SSH2: variants seen among roughly 807,000 people sequenced by gnomAD.
SSH2 encodes protein phosphatase Slingshot homolog 2.
A neutral mutation model predicts 135.2 loss-of-function variants in SSH2; 37 were observed. The observed-to-expected ratio is 0.27, with a 90% confidence interval of 0.21 to 0.36. The LOEUF (loss-of-function observed/expected upper bound fraction) is 0.36. Ranked by LOEUF, SSH2 falls within the 10% of genes least tolerant of loss-of-function variation. The pLI is 1.00. For missense variants in SSH2, 1,408 were observed against 1,765.3 expected (o/e 0.80, Z 3.63); for synonymous variants, 628 against 646.2 (o/e 0.97, Z 0.43).
chr17:29,854,596 G>T (rs2065628526), intron 1 of SSH2, among the ~76,000 whole-genome samples: 2 of 151,706 alleles, frequency 1.3e-5, no homozygotes, highest in South Asian at 4.1e-4. Context: ...GTTTTCAAGA[G>T]TGTAAAATCT....
chr17:29,761,559 G>C, intron 3 of SSH2: 1 of 435,470 alleles, frequency 2.3e-6, no homozygotes, highest in Non-Finnish European at 3.1e-6. Context: ...GGATCCCGCA[G>C]CGCGCGTCAC....
chr17:29,857,647 GTAATT>G (rs768557110), intron 1 of SSH2, among the ~76,000 whole-genome samples: 5 of 152,022 alleles, frequency 3.3e-5, no homozygotes, highest in Non-Finnish European at 7.4e-5. Context: ...CCACACCCAG[GTAATT>G]TTTAAAATTT....
intron 3 of SSH2, among the ~76,000 whole-genome samples, chr17:29,757,912 T>TA (rs759570997): frequency 8.7e-4 from 130 of 149,938 alleles, no homozygotes; most frequent in Non-Finnish European, 1.4e-3. Flanking sequence ...CCAGGTGTGG[T>TA]GGCATGTGCC....
At chr17:29,786,294 A>G (rs1268192016) in intron 3 of SSH2, among the ~76,000 whole-genome samples, 3 of 152,182 alleles carry the variant, frequency 2.0e-5, no homozygotes, top group Non-Finnish European at 4.4e-5. Context: ...CAGCCTGCAT[A>G]CTGAGGTGGA....
intron 1 of SSH2, among the ~76,000 whole-genome samples, chr17:29,852,723 T>C (rs939673353): frequency 1.3e-5 from 2 of 151,622 alleles, no homozygotes; most frequent in Non-Finnish European, 2.9e-5. Context: ...GCTAATTTTT[T>C]GTATTTTTAG....
chr17:29,715,814 C>G (rs937798802), intron 3 of SSH2, among the ~76,000 whole-genome samples: 1 of 152,154 alleles, frequency 6.6e-6, no homozygotes, highest in African/African-American at 2.4e-5. Flanking sequence ...ACAGCACATT[C>G]ACGGTCTCAG....
At chr17:29,674,778 T>C (rs1393574001) in intron 8 of SSH2, among the ~76,000 whole-genome samples, 1 of 152,238 alleles carries the variant, frequency 6.6e-6, no homozygotes, top group East Asian at 1.9e-4. Context: ...GCTGATGAGC[T>C]TAAAAAAAAA....
chr17:29,768,776 C>T (rs1035113785), intron 3 of SSH2, among the ~76,000 whole-genome samples: 2 of 151,900 alleles, frequency 1.3e-5, no homozygotes, highest in Non-Finnish European at 2.9e-5. Context: ...CATCAGTGTC[C>T]TAGAATGTAG....
intron 3 of SSH2, among the ~76,000 whole-genome samples, chr17:29,727,993 C>T (rs2040056821): frequency 1.3e-5 from 2 of 152,244 alleles, no homozygotes; most frequent in South Asian, 4.1e-4. Flanking sequence ...CAAGCCTGGC[C>T]AACATGGCGA....
rs112494908 is a variant in SSH2, at chr17:29,860,751, CTT to C, written c.64-11824_64-11823del. On this transcript the variant is annotated intron_variant, in intron 1 of 15. Transcript: ENST00000540801. ...TCAGTCTCCTTTGCCCACTTTTTTTCTTTTTTTTTTTTGAGACAGAGTCTCGC... is the reference window on the plus strand; with the variant it reads ...TCAGTCTCCTTTGCCCACTTTTTTTCTTTTTTTTTTGAGACAGAGTCTCGC... Among the ~76,000 whole-genome samples the C allele has an allele frequency of 4.8e-3, 687 of 142,868 alleles. 19 individuals are homozygous for C. The highest frequency in any genetic ancestry group is 0.038 in the Admixed American group (547 of 14,320). The allele number at this position is 142,868 out of a possible 152,430, so 93.7% of individuals were successfully genotyped here.
At chr17:29,799,494 C>T (rs1022594784) in intron 2 of SSH2, among the ~76,000 whole-genome samples, 3 of 152,162 alleles carry the variant, frequency 2.0e-5, no homozygotes, top group Non-Finnish European at 4.4e-5. Context: ...TCATTATGGT[C>T]TTAATTTGCT....
At chr17:29,835,133 C>G (rs970492703) in intron 2 of SSH2, among the ~76,000 whole-genome samples, 8 of 152,086 alleles carry the variant, frequency 5.3e-5, no homozygotes, top group Non-Finnish European at 1.2e-4. Flanking sequence ...CAGAAATTCC[C>G]ACTAGGCATT....
At chr17:29,730,767 G>T (rs1038292925) in intron 3 of SSH2, among the ~76,000 whole-genome samples, 2 of 152,000 alleles carry the variant, frequency 1.3e-5, no homozygotes, top group Non-Finnish European at 2.9e-5. Context: ...TTGCATGCCT[G>T]TATCAAAATA....
chr17:29,662,134 G>A (rs561810024), intron 11 of SSH2, among the ~76,000 whole-genome samples: 1 of 152,238 alleles, frequency 6.6e-6, no homozygotes, highest in South Asian at 2.1e-4. Context: ...AGTGTAAAAT[G>A]AAACCTTTGG....
rs190166433 is a variant in SSH2, at chr17:29,876,136, C to G, written c.64-27207G>C. Among the ~76,000 whole-genome samples, 333 of 150,466 alleles carry G rather than the reference C, an allele frequency of 2.2e-3. 1 individual carries two copies. The highest frequency in any genetic ancestry group is 8.0e-3 in the African/African-American group (328 of 41,004). On this transcript the variant is annotated intron_variant, in intron 1 of 15. Coordinates refer to ENST00000540801, the MANE Select transcript of SSH2 (RefSeq NM_001282129.2). ...TGACATTCACAGAAATAGGAAAAAC[C>G]CTAAAATTTATACAGAACGATAAAA... is the stretch of plus-strand genomic sequence containing the variant.
intron 2 of SSH2, among the ~76,000 whole-genome samples, chr17:29,800,487 T>C (rs112713503): frequency 6.6e-6 from 1 of 152,184 alleles, no homozygotes; most frequent in Non-Finnish European, 1.5e-5. Context: ...GTCAAGTAAC[T>C]TCACACATTG....
chr17:29,785,150 T>C (rs949256867), intron 3 of SSH2, among the ~76,000 whole-genome samples: 2 of 152,102 alleles, frequency 1.3e-5, no homozygotes, highest in Non-Finnish European at 2.9e-5. Context: ...TGAAAAATAA[T>C]TTCTTCATTT....
chr17:29,742,942 G>GA (rs1440518193), intron 3 of SSH2, among the ~76,000 whole-genome samples: 2 of 146,638 alleles, frequency 1.4e-5, no homozygotes, highest in Non-Finnish European at 3.0e-5. Flanking sequence ...GCCTTCTTTT[G>GA]ATTTTTTGAG....
rs200751319 is a variant in SSH2, at chr17:29,636,633, C to G, written c.1597G>C (p.Val533Leu). 2.0e-4 allele frequency: 326 copies of G among 1,614,020 alleles called. No homozygotes were observed. The highest frequency in any genetic ancestry group is 2.5e-4 in the Non-Finnish European group (300 of 1,180,032). ...TGTGGGACCATATGTTCCACAAAGACAGGAGGTATGGGTGGGTGACTCTCC... is the reference window on the plus strand; with the variant it reads ...TGTGGGACCATATGTTCCACAAAGAGAGGAGGTATGGGTGGGTGACTCTCC... ...TMESHPPIPPVFVEHMVPQDA... is the reference protein window; with the variant it reads ...TMESHPPIPPLFVEHMVPQDA... The change falls in exon 15 of 16, where the codon GTC becomes CTC. Residue 533 changes from valine (V) to leucine (L), a missense_variant. By Grantham distance (32) the Val-to-Leu change is conservative. Around this residue, in one of 3 missense-constraint regions of SSH2, gnomAD observed 1,080 missense variants for 1,144.5 expected, o/e 0.94. Transcript: ENST00000540801.
Sources: allele counts gnomAD v4.1 joint callset (sites outside exome capture counted in the v4.1 genomes callset), GRCh38; gene constraint gnomAD v4.1.1; regional missense constraint gnomAD v4.1.1; transcripts MANE v1.5; gene names NCBI Gene and HGNC (gene_info 2026-07-23, HGNC 2026-07-21).